Variants in SLC35F3 observed in about 807,000 individuals in gnomAD.
The protein encoded by SLC35F3 is putative thiamine transporter SLC35F3.
SLC35F3 carries 25 observed loss-of-function variants against 49.9 expected under a neutral mutation model. That is an observed-to-expected ratio of 0.50 (90% confidence interval 0.37 to 0.70). The LOEUF is 0.70. SLC35F3 is among the 30% of genes least tolerant of loss of function. SLC35F3 has a pLI of 0.00. For missense variants in SLC35F3, 525 were observed against 639.8 expected, an observed-to-expected ratio of 0.82 and a Z score of 1.94; for synonymous variants, 275 against 265.4, an observed-to-expected ratio of 1.04 and a Z score of -0.35.
chr1:234,005,401 T>C (rs1663613597), intron 2 of SLC35F3, among the ~76,000 whole-genome samples: 1 of 152,208 alleles, frequency 6.6e-6, no homozygotes, highest in South Asian at 2.1e-4. Context: ...CTTTCCTTAT[T>C]TCCTGATCAT....
chr1:234,075,618 C>G (rs1175594329), intron 2 of SLC35F3, among the ~76,000 whole-genome samples: 1 of 152,170 alleles, frequency 6.6e-6, no homozygotes, highest in Non-Finnish European at 1.5e-5. Flanking sequence ...GCTATGCACA[C>G]TGTAGAGCAG....
At chr1:234,096,885 C>CTTTTTTTTTTTTT (rs34404610) in intron 2 of SLC35F3, among the ~76,000 whole-genome samples, 2 of 132,106 alleles carry the variant, frequency 1.5e-5, no homozygotes, top group Non-Finnish European at 1.6e-5. Context: ...TTGTTAAATT[C>CTTTTTTTTTTTTT]TTTTTTTTTT....
intron 2 of SLC35F3, among the ~76,000 whole-genome samples, chr1:234,108,667 A>T (rs1665337309): frequency 8.6e-6 from 1 of 116,644 alleles, no homozygotes; most frequent in South Asian, 2.9e-4. Flanking sequence ...TTATATATAT[A>T]AAAGATATAT....
At chr1:233,931,769 T>C (rs1662246512) in intron 2 of SLC35F3, among the ~76,000 whole-genome samples, 1 of 152,210 alleles carries the variant, frequency 6.6e-6, no homozygotes, top group African/African-American at 2.4e-5. Context: ...GGAATACCAT[T>C]TGACCCAGCC....
chr1:234,288,768 G>T (rs1668462356), intron 3 of SLC35F3, among the ~76,000 whole-genome samples: 1 of 152,134 alleles, frequency 6.6e-6, no homozygotes, highest in Non-Finnish European at 1.5e-5. Flanking sequence ...GATGCATATG[G>T]CTCCATTATT....
At chr1:233,908,994 G>A (rs1164674312) in intron 2 of SLC35F3, among the ~76,000 whole-genome samples, 1 of 150,232 alleles carries the variant, frequency 6.7e-6, no homozygotes, top group Non-Finnish European at 1.5e-5. Context: ...GAGTAGCTGG[G>A]ACTACAGGCA....
rs1661820299 is a variant in SLC35F3 at position 233,908,786 on chromosome 1, G to A, written c.283+3028G>A. ...CCTGATCTCATGATCTGCCCACCTCGGCCTCCCAAAGTGCTGGAATTACAG... is the reference window on the plus strand; with the variant it reads ...CCTGATCTCATGATCTGCCCACCTCAGCCTCCCAAAGTGCTGGAATTACAG... On this transcript the variant is annotated intron_variant, in intron 2 of 7. Transcript: ENST00000366618. Among the ~76,000 whole-genome samples, 10 of 151,014 alleles carry A rather than the reference G, an allele frequency of 6.6e-5. No homozygotes were observed. The South Asian group carries it at 2.1e-3, about 32-fold the overall frequency.
At chr1:234,085,954 G>C (rs955099723) in intron 2 of SLC35F3, among the ~76,000 whole-genome samples, 46 of 152,192 alleles carry the variant, frequency 3.0e-4, no homozygotes, top group African/African-American at 1.1e-3. Context: ...TATATACCCT[G>C]TCTTGTATGT....
intron 2 of SLC35F3, among the ~76,000 whole-genome samples, chr1:233,949,631 C>T (rs993679956): frequency 2.0e-5 from 3 of 152,144 alleles, no homozygotes; most frequent in Admixed American, 6.5e-5. Context: ...AGAAGCGTGC[C>T]GTCCAGAGAG....
chr1:234,222,452 T>C (rs1446319303), intron 2 of SLC35F3, among the ~76,000 whole-genome samples: 3 of 152,166 alleles, frequency 2.0e-5, no homozygotes, highest in Non-Finnish European at 4.4e-5. Context: ...AAAACGGTGT[T>C]TTAATTTTGC....
chr1:234,023,420 A>G (rs1663929684), intron 2 of SLC35F3, among the ~76,000 whole-genome samples: 1 of 152,202 alleles, frequency 6.6e-6, no homozygotes, highest in African/African-American at 2.4e-5. Flanking sequence ...AATTTGAACA[A>G]CAAAATAAAG....
At position 234,059,685 on chromosome 1, in the gene SLC35F3, CAT is replaced by C. The variant is rs1211720723; in HGVS notation, c.283+153929_283+153930del. Among the ~76,000 whole-genome samples the C allele has an allele frequency of 3.3e-5, 5 of 150,610 alleles. No individual in the cohort carries two copies. In the South Asian group the frequency reaches 1.1e-3, roughly 32 times the overall value. On this transcript the variant is annotated intron_variant, in intron 2 of 7. Coordinates refer to ENST00000366618, the MANE Select transcript of SLC35F3 (RefSeq NM_173508.4). ...AGACATAGACATAGACATAGACAGA[CAT>C]AGACATAGACAAGCTTACTTATCAA...
intron 2 of SLC35F3, among the ~76,000 whole-genome samples, chr1:233,908,153 T>C (rs536497837): frequency 6.6e-6 from 1 of 151,474 alleles, no homozygotes; most frequent in East Asian, 1.9e-4. Flanking sequence ...AATTGTACTC[T>C]ATAAATGGGG....
intron 2 of SLC35F3, among the ~76,000 whole-genome samples, chr1:234,021,316 A>T (rs1194833910): frequency 6.6e-6 from 1 of 152,174 alleles, no homozygotes. Flanking sequence ...AGGGATTTTG[A>T]TATTGTGTTC....
intron 2 of SLC35F3, among the ~76,000 whole-genome samples, chr1:234,116,862 C>T (rs1449576394): frequency 6.6e-6 from 1 of 152,168 alleles, no homozygotes; most frequent in Non-Finnish European, 1.5e-5. Context: ...ATATTCCCAT[C>T]ATTCTTTGAG....
chr1:234,292,269 T>TC (rs1308872130), intron 3 of SLC35F3, among the ~76,000 whole-genome samples: 1 of 152,218 alleles, frequency 6.6e-6, no homozygotes, highest in Non-Finnish European at 1.5e-5. Context: ...CCATCTGGCC[T>TC]CTCAGCAGTG....
chr1:234,040,479 T>C (rs1664203639), intron 2 of SLC35F3, among the ~76,000 whole-genome samples: 2 of 152,248 alleles, frequency 1.3e-5, no homozygotes, highest in South Asian at 4.1e-4. Context: ...CCCGCCCCTG[T>C]CTGCCTAGAG....
At chr1:234,290,445 T>C (rs1446908050) in intron 3 of SLC35F3, among the ~76,000 whole-genome samples, 1 of 152,184 alleles carries the variant, frequency 6.6e-6, no homozygotes, top group Non-Finnish European at 1.5e-5. Flanking sequence ...ATATAAAAAG[T>C]ATACTCCCAC....
At chr1:234,017,254 C>A (rs1663814519) in intron 2 of SLC35F3, among the ~76,000 whole-genome samples, 1 of 152,112 alleles carries the variant, frequency 6.6e-6, no homozygotes, top group Admixed American at 6.5e-5. Context: ...AATAATAATT[C>A]TCATTATTCA....
Sources: gnomAD v4.1 joint callset for allele counts (sites outside exome capture counted in the v4.1 genomes callset) on GRCh38, gnomAD v4.1.1 for gene constraint, MANE v1.5 for transcripts, NCBI Gene and HGNC (gene_info 2026-07-23, HGNC 2026-07-21) for gene names.